RGS6: variants seen among roughly 807,000 people sequenced by gnomAD.
RGS6 encodes regulator of G-protein signaling 6.
A neutral mutation model predicts 78.5 loss-of-function variants in RGS6; 30 were observed. The ratio of observed to expected loss-of-function variants is 0.38; its 90% CI spans 0.29 to 0.52. The LOEUF (loss-of-function observed/expected upper bound fraction) is 0.52. Among genes scored for constraint, RGS6 ranks in the 20% least tolerant of loss-of-function variants. RGS6 has a pLI of 0.85. For missense variants in RGS6, 495 were observed against 609.7 expected (o/e 0.81, Z 1.98); for synonymous variants, 206 against 206.0 (o/e 1.00, Z 0.00).
At chr14:72,430,697 G>A (rs1015124768) in intron 3 of RGS6, among the ~76,000 whole-genome samples, 1 of 152,166 alleles carries the variant, frequency 6.6e-6, no homozygotes, top group Non-Finnish European at 1.5e-5. Flanking sequence ...TTTTTTCTGT[G>A]TGGTGTTGTT....
chr14:72,213,037 G>A (rs2044571775), intron 2 of RGS6, among the ~76,000 whole-genome samples: 2 of 152,184 alleles, frequency 1.3e-5, no homozygotes, highest in East Asian at 3.8e-4. Context: ...GGGAAGGGGT[G>A]GAGGGTAGTC....
intron 2 of RGS6, among the ~76,000 whole-genome samples, chr14:72,317,028 C>T (rs541331451): frequency 6.6e-6 from 1 of 151,882 alleles, no homozygotes; most frequent in Non-Finnish European, 1.5e-5. Context: ...TGATCACTTA[C>T]AGCAATTACA....
the RGS6 span, among the ~76,000 whole-genome samples, chr14:72,581,757 C>T: frequency 2.6e-5 from 4 of 152,230 alleles, no homozygotes; most frequent in African/African-American, 9.6e-5. Context: ...AGTACTTGAC[C>T]CCAAGAGCCT....
chr14:72,496,991 C>T (rs1404245130), intron 13 of RGS6, among the ~76,000 whole-genome samples: 2 of 152,166 alleles, frequency 1.3e-5, no homozygotes, highest in East Asian at 3.8e-4. Context: ...ATTTATTTTA[C>T]CAGTACCTGG....
chr14:72,276,314 G>A (rs2060657893), intron 2 of RGS6, among the ~76,000 whole-genome samples: 1 of 152,194 alleles, frequency 6.6e-6, no homozygotes, highest in African/African-American at 2.4e-5. Context: ...TATTCTCAAT[G>A]GGGGCAATGT....
chr14:72,397,258 C>A (rs1394051622), intron 3 of RGS6, among the ~76,000 whole-genome samples: 1 of 152,108 alleles, frequency 6.6e-6, no homozygotes, highest in Non-Finnish European at 1.5e-5. Context: ...TTGGAGAGGT[C>A]CTTCACATCC....
At chr14:72,306,331 G>A (rs1161818721) in intron 2 of RGS6, among the ~76,000 whole-genome samples, 1 of 152,194 alleles carries the variant, frequency 6.6e-6, no homozygotes, top group Non-Finnish European at 1.5e-5. Context: ...TGTAATACAA[G>A]GCATGTTGTT....
At chr14:72,013,171 T>C (rs1472776201) in intron 2 of RGS6, among the ~76,000 whole-genome samples, 1 of 149,930 alleles carries the variant, frequency 6.7e-6, no homozygotes, top group African/African-American at 2.5e-5. Flanking sequence ...CTCGGGAGGT[T>C]GAGGCAGGAG....
chr14:72,058,934 C>T (rs563258035), intron 2 of RGS6, among the ~76,000 whole-genome samples: 12 of 152,268 alleles, frequency 7.9e-5, no homozygotes, highest in East Asian at 1.9e-4. Flanking sequence ...GACAGAGTCT[C>T]GCTCTGTTGC....
At chr14:72,218,912 C>T (rs2046230567) in intron 2 of RGS6, among the ~76,000 whole-genome samples, 1 of 151,954 alleles carries the variant, frequency 6.6e-6, no homozygotes, top group African/African-American at 2.4e-5. Context: ...TCCCAGTCAG[C>T]TTATTTATTA....
At chr14:72,196,082 G>T (rs1442813884) in intron 2 of RGS6, among the ~76,000 whole-genome samples, 1 of 152,140 alleles carries the variant, frequency 6.6e-6, no homozygotes, top group African/African-American at 2.4e-5. Flanking sequence ...CCATGAAATG[G>T]GGGAGGGGGA....
chr14:72,410,792 G>C (rs1284221238), intron 3 of RGS6, among the ~76,000 whole-genome samples: 8 of 152,176 alleles, frequency 5.3e-5, no homozygotes, highest in African/African-American at 1.7e-4. Context: ...CATATGGCTA[G>C]CCAGTTTTCC....
At chr14:72,237,856 G>A (rs1034018010) in intron 2 of RGS6, among the ~76,000 whole-genome samples, 1 of 152,136 alleles carries the variant, frequency 6.6e-6, no homozygotes. Context: ...GAGCCCTCGA[G>A]GGCATGTGTT....
intron 3 of RGS6, among the ~76,000 whole-genome samples, chr14:72,424,905 AC>A: frequency 6.6e-6 from 1 of 152,076 alleles, no homozygotes; most frequent in East Asian, 1.9e-4. Flanking sequence ...CAGTTTACAA[AC>A]CCTTCAGTGA....
At chr14:72,374,399 T>A (rs570269412) in intron 3 of RGS6, among the ~76,000 whole-genome samples, 1 of 152,320 alleles carries the variant, frequency 6.6e-6, no homozygotes, top group Non-Finnish European at 1.5e-5. Flanking sequence ...TTCATCCATG[T>A]CCCTACAAAG....
At chr14:72,230,928 G>A (rs1952505537) in intron 2 of RGS6, among the ~76,000 whole-genome samples, 1 of 152,130 alleles carries the variant, frequency 6.6e-6, no homozygotes, top group African/African-American at 2.4e-5. Flanking sequence ...CACATACATT[G>A]GAGTGTCACA....
At chr14:72,493,067 A>G (rs2096599170) in intron 12 of RGS6, among the ~76,000 whole-genome samples, 1 of 152,188 alleles carries the variant, frequency 6.6e-6, no homozygotes, top group African/African-American at 2.4e-5. Context: ...AAACTTCCCT[A>G]TGACAATGAA....
chr14:72,232,652 C>A (rs2049949468), intron 2 of RGS6, among the ~76,000 whole-genome samples: 1 of 152,092 alleles, frequency 6.6e-6, no homozygotes, highest in Admixed American at 6.5e-5. Flanking sequence ...GCGGATCTGG[C>A]TTGAGGCTGG....
chr14:72,094,679 C>CTTT (rs2095360280), intron 2 of RGS6, among the ~76,000 whole-genome samples: 1 of 152,088 alleles, frequency 6.6e-6, no homozygotes, highest in African/African-American at 2.4e-5. Flanking sequence ...ATTTATCTTG[C>CTTT]TTTAACTCCT....
Sources: allele counts gnomAD v4.1 joint callset (sites outside exome capture counted in the v4.1 genomes callset), GRCh38; gene constraint gnomAD v4.1.1; transcripts MANE v1.5; gene names NCBI Gene and HGNC (gene_info 2026-07-23, HGNC 2026-07-21).